The following DPH6 variants were observed in gnomAD, a reference collection of about 807,000 sequenced individuals.
DPH6 encodes diphthine--ammonia ligase.
Under a neutral mutation model 38.2 loss-of-function variants are expected in DPH6, and 33 were observed. The ratio of observed to expected loss-of-function variants is 0.86; its 90% CI spans 0.65 to 1.15. The LOEUF is 1.15. Among genes scored for constraint, DPH6 ranks in the 50% most tolerant of loss-of-function variants. DPH6 has a pLI of 0.00. For synonymous variants in DPH6, 108 were observed against 103.0 expected (o/e 1.05, Z -0.30); for missense variants, 325 against 320.0 (o/e 1.02, Z -0.12).
chr15:35,420,858 T>A (rs2053496454), intron 5 of DPH6, among the ~76,000 whole-genome samples: 1 of 152,068 alleles, frequency 6.6e-6, no homozygotes. Context: ...GGACAAACCC[T>A]TAGCTAGACT....
chr15:35,211,957 CCAGA>C, the DPH6 span, among the ~76,000 whole-genome samples: 1 of 152,168 alleles, frequency 6.6e-6, no homozygotes, highest in Non-Finnish European at 1.5e-5. Flanking sequence ...ATGTTAATTA[CCAGA>C]CAAACAGAAG....
At chr15:35,306,666 T>C (rs1283596502) in intron 3 of DPH6, among the ~76,000 whole-genome samples, 3 of 152,346 alleles carry the variant, frequency 2.0e-5, no homozygotes, top group African/African-American at 4.8e-5. Flanking sequence ...TTACATAACC[T>C]CCCATTCTGA....
chr15:35,228,428 T>TTTTTG (rs1189126279), intron 3 of DPH6, among the ~76,000 whole-genome samples: 1 of 152,044 alleles, frequency 6.6e-6, no homozygotes, highest in Non-Finnish European at 1.5e-5. Context: ...AGTGAGGTGG[T>TTTTTG]TTTTGTTTTG....
At chr15:35,372,866 T>C (rs1460139496) in intron 8 of DPH6, among the ~76,000 whole-genome samples, 1 of 151,958 alleles carries the variant, frequency 6.6e-6, no homozygotes, top group Non-Finnish European at 1.5e-5. Flanking sequence ...TTCTAATCCT[T>C]TTCTGTCACT....
chr15:35,185,389 A>T, the DPH6 span, among the ~76,000 whole-genome samples: 1 of 152,174 alleles, frequency 6.6e-6, no homozygotes, highest in Non-Finnish European at 1.5e-5. Flanking sequence ...AGTGTTCTGA[A>T]ATGTGACATT....
At chr15:35,224,901 C>A (rs1299242275) in intron 3 of DPH6, among the ~76,000 whole-genome samples, 2 of 152,218 alleles carry the variant, frequency 1.3e-5, no homozygotes, top group African/African-American at 4.8e-5. Flanking sequence ...ATGTTAACAT[C>A]TTAAATTACC....
At chr15:35,489,884 T>C (rs1595410666) in intron 3 of DPH6, 1 of 966,542 alleles carries the variant, frequency 1.0e-6, no homozygotes, top group East Asian at 1.1e-4. Context: ...TAATGTTTTA[T>C]ACATTTTTCT....
intron 4 of DPH6, among the ~76,000 whole-genome samples, chr15:35,453,180 TTATAA>T (rs768667327): frequency 5.3e-5 from 8 of 152,290 alleles, no homozygotes; most frequent in African/African-American, 1.4e-4. Flanking sequence ...CAGATATGCT[TTATAA>T]TATAACGTCT....
intron 3 of DPH6, chr15:35,237,658 CTT>C: frequency 1.2e-6 from 2 of 1,613,722 alleles, no homozygotes; most frequent in South Asian, 2.2e-5. Flanking sequence ...CACTGAAAAA[CTT>C]AGAAAACCTC....
chr15:35,402,736 C>T (rs1196082019), intron 6 of DPH6, among the ~76,000 whole-genome samples: 1 of 151,746 alleles, frequency 6.6e-6, no homozygotes, highest in Non-Finnish European at 1.5e-5. Context: ...AGTGTATAAG[C>T]CTTAAAGTTT....
At chr15:35,305,301 GT>G (rs2052081187) in intron 3 of DPH6, among the ~76,000 whole-genome samples, 1 of 151,982 alleles carries the variant, frequency 6.6e-6, no homozygotes, top group South Asian at 2.1e-4. Context: ...CTCACAAAGT[GT>G]TCAACATCAT....
At chr15:35,157,685 C>A in the DPH6 span, among the ~76,000 whole-genome samples, 6 of 152,206 alleles carry the variant, frequency 3.9e-5, no homozygotes, top group South Asian at 2.1e-4. Flanking sequence ...ACAAGAGACA[C>A]ACAGAATGGA....
At chr15:35,450,886 C>T in intron 4 of DPH6, 83 bp from the exon 5 acceptor site, 2 of 1,097,818 alleles carry the variant, frequency 1.8e-6, no homozygotes, top group Non-Finnish European at 2.6e-6. Context: ...TGATTTGAAA[C>T]ATAATGCTTC....
intron 6 of DPH6, among the ~76,000 whole-genome samples, chr15:35,384,682 A>C (rs1470850683): frequency 6.6e-6 from 1 of 152,104 alleles, no homozygotes; most frequent in Non-Finnish European, 1.5e-5. Context: ...AAAAATAAAA[A>C]TAAAAAATCA....
At chr15:35,338,662 C>A (rs1413126346) in intron 3 of DPH6, among the ~76,000 whole-genome samples, 1 of 152,110 alleles carries the variant, frequency 6.6e-6, no homozygotes, top group Non-Finnish European at 1.5e-5. Flanking sequence ...TACCATTTGA[C>A]CCAGCCATCC....
At chr15:35,519,790 CAT>C (rs1355115479) in intron 3 of DPH6, 1 of 152,212 alleles carries the variant, frequency 6.6e-6, no homozygotes, top group Non-Finnish European at 1.5e-5. Flanking sequence ...CTGTCTATAA[CAT>C]GTAATTTCTC....
intron 5 of DPH6, among the ~76,000 whole-genome samples, chr15:35,447,437 C>T (rs544621675): frequency 7.2e-6 from 1 of 138,956 alleles, no homozygotes; most frequent in Non-Finnish European, 1.6e-5. Flanking sequence ...TCTTATACGT[C>T]CCCCCCCGCC....
chr15:35,517,222 A>G (rs1213088374), intron 3 of DPH6, among the ~76,000 whole-genome samples: 1 of 152,078 alleles, frequency 6.6e-6, no homozygotes, highest in African/African-American at 2.4e-5. Flanking sequence ...TTAAAAAAAG[A>G]AATGTATGTA....
intron 5 of DPH6, among the ~76,000 whole-genome samples, chr15:35,444,900 C>T (rs1054457577): frequency 1.2e-4 from 18 of 151,284 alleles, no homozygotes; most frequent in African/African-American, 4.4e-4. Context: ...ACTAAAAATG[C>T]CTTCAGAATA....
Sources: gnomAD v4.1 joint callset for allele counts (sites outside exome capture counted in the v4.1 genomes callset) on GRCh38, gnomAD v4.1.1 for gene constraint, MANE v1.5 for transcripts, NCBI Gene and HGNC (gene_info 2026-07-23, HGNC 2026-07-21) for gene names.